CHST9: variants seen among roughly 807,000 people sequenced by gnomAD.
The protein encoded by CHST9 is GalNAc-4-sulfotransferase 2.
Under a neutral mutation model 44.4 loss-of-function variants are expected in CHST9, and 41 were observed. The observed-to-expected ratio is 0.92, with a 90% CI of 0.72 to 1.20. CHST9 has a LOEUF of 1.20. CHST9 is among the 50% of genes most tolerant of loss of function. The pLI, the probability that CHST9 is intolerant of heterozygous loss-of-function variation, is 0.00. For missense variants in CHST9, 504 were observed against 516.5 expected (o/e 0.98, Z 0.23); for synonymous variants, 171 against 178.4 (o/e 0.96, Z 0.33).
intron 2 of CHST9, among the ~76,000 whole-genome samples, chr18:27,080,851 G>A (rs1264375691): frequency 1.3e-5 from 2 of 152,210 alleles, no homozygotes; most frequent in Non-Finnish European, 2.9e-5. Context: ...CAAGGGAATG[G>A]CAGGTAGTAA....
intron 3 of CHST9, among the ~76,000 whole-genome samples, chr18:27,036,211 G>T (rs1348956732): frequency 6.6e-6 from 1 of 152,108 alleles, no homozygotes; most frequent in Non-Finnish European, 1.5e-5. Context: ...CTCTTCCGAT[G>T]GGACATGGAA....
intron 2 of CHST9, among the ~76,000 whole-genome samples, chr18:27,060,433 A>G (rs1334120500): frequency 6.6e-6 from 1 of 152,220 alleles, no homozygotes; most frequent in Non-Finnish European, 1.5e-5. Flanking sequence ...CAAGCCAGGC[A>G]CTGGCACAGT....
chr18:27,080,669 G>T (rs1293026842), intron 2 of CHST9, among the ~76,000 whole-genome samples: 4 of 152,172 alleles, frequency 2.6e-5, no homozygotes, highest in Admixed American at 1.3e-4. Context: ...GTCCTGCAGA[G>T]TGGAAAAGTG....
chr18:27,047,278 T>C (rs543246182), intron 3 of CHST9, among the ~76,000 whole-genome samples: 10 of 152,166 alleles, frequency 6.6e-5, no homozygotes, highest in African/African-American at 2.4e-4. Context: ...ATTATGGAAA[T>C]AGCATTTAGA....
At chr18:27,009,636 AT>A in intron 4 of CHST9, among the ~76,000 whole-genome samples, 1 of 152,334 alleles carries the variant, frequency 6.6e-6, no homozygotes, top group East Asian at 1.9e-4. Context: ...CTGTGAGGGC[AT>A]TCCTTCACTT....
intron 2 of CHST9, among the ~76,000 whole-genome samples, chr18:27,122,572 C>T (rs796612889): frequency 1.3e-5 from 2 of 152,180 alleles, no homozygotes; most frequent in African/African-American, 4.8e-5. Context: ...AGATCATTCT[C>T]TCCCCCTCCA....
intron 4 of CHST9, among the ~76,000 whole-genome samples, chr18:26,991,189 A>T (rs1256668214): frequency 6.6e-6 from 1 of 152,180 alleles, no homozygotes; most frequent in Non-Finnish European, 1.5e-5. Context: ...TCCAAACAAG[A>T]GATGATGGGG....
rs1568084822 is a variant in CHST9 at position 26,910,033 on chromosome 18, T to G, written c.*6226A>C. Reference sequence around the variant, plus strand: ...TTGGATGAAGGTTATAGAACAGCAGTCTAGAGGCAGCAGTGGGAGCCAGTT... The same window carrying G: ...TTGGATGAAGGTTATAGAACAGCAGGCTAGAGGCAGCAGTGGGAGCCAGTT... On this transcript the variant is annotated 3_prime_UTR_variant, in exon 6 of 6. Coordinates refer to ENST00000618847, the MANE Select transcript of CHST9 (RefSeq NM_031422.6). 2 of 151,972 alleles carry G rather than the reference T, an allele frequency of 1.3e-5. No homozygotes were observed. The highest frequency in any genetic ancestry group is 2.9e-5 in the Non-Finnish European group (2 of 68,004). The allele number at this position is 151,972 out of a possible 1,614,324, so 9.4% of individuals were successfully genotyped here.
chr18:27,163,858 C>T (rs941201830), intron 1 of CHST9, among the ~76,000 whole-genome samples: 1 of 152,138 alleles, frequency 6.6e-6, no homozygotes, highest in Non-Finnish European at 1.5e-5. Flanking sequence ...TGAGATGAAC[C>T]CTGTACCTCA....
At chr18:27,014,982 C>A (rs897894969) in intron 4 of CHST9, among the ~76,000 whole-genome samples, 1 of 152,042 alleles carries the variant, frequency 6.6e-6, no homozygotes, top group African/African-American at 2.4e-5. Flanking sequence ...ATTCCTTACT[C>A]ATTCATTTCT....
At chr18:27,039,218 C>T (rs1279201356) in intron 3 of CHST9, among the ~76,000 whole-genome samples, 2 of 152,082 alleles carry the variant, frequency 1.3e-5, no homozygotes, top group African/African-American at 4.8e-5. Context: ...TATTTGTACA[C>T]CCATGTTCAC....
intron 4 of CHST9, among the ~76,000 whole-genome samples, chr18:27,017,482 T>C (rs1436406672): frequency 6.6e-6 from 1 of 152,226 alleles, no homozygotes; most frequent in Admixed American, 6.5e-5. Flanking sequence ...TTACGGCATG[T>C]GAAAGGGGCC....
intron 2 of CHST9, among the ~76,000 whole-genome samples, chr18:27,098,188 G>GA (rs1225488159): frequency 6.6e-6 from 1 of 150,594 alleles, no homozygotes; most frequent in Non-Finnish European, 1.5e-5. Flanking sequence ...TTTATGTGGC[G>GA]AAAAAACATT....
chr18:27,115,340 G>A (rs1394869012), intron 2 of CHST9, among the ~76,000 whole-genome samples: 1 of 152,070 alleles, frequency 6.6e-6, no homozygotes, highest in African/African-American at 2.4e-5. Context: ...AAATTTTTCT[G>A]TGGGCATATA....
intron 4 of CHST9, among the ~76,000 whole-genome samples, chr18:26,972,544 A>C (rs2056563362): frequency 6.6e-6 from 1 of 152,104 alleles, no homozygotes; most frequent in African/African-American, 2.4e-5. Context: ...CAAGGAAGCC[A>C]GTGTGGTGGA....
intron 2 of CHST9, among the ~76,000 whole-genome samples, chr18:27,121,512 A>G (rs1168864962): frequency 6.6e-6 from 1 of 152,224 alleles, no homozygotes. Flanking sequence ...GCTGGTACAT[A>G]GGTTAGCAGA....
In CHST9 at chr18:26,993,857, G is replaced by A. The variant is rs138873518; in HGVS notation, c.202+30259C>T. Among the ~76,000 whole-genome samples the A allele has an allele frequency of 8.1e-4, 124 of 152,298 alleles. 1 individual carries two copies. The highest frequency in any genetic ancestry group is 5.2e-3 in the South Asian group (25 of 4,828). On this transcript the variant is annotated intron_variant, in intron 4 of 5. Coordinates refer to ENST00000618847, the MANE Select transcript of CHST9 (RefSeq NM_031422.6). The stretch of plus-strand genomic sequence containing the variant: ...GTCATAACAAAATGCTGCAGACTGC[G>A]GGCTTAAACAAAGATGTACTCCTCG...
At chr18:26,943,057 A>T (rs1054188472) in intron 5 of CHST9, among the ~76,000 whole-genome samples, 1 of 152,108 alleles carries the variant, frequency 6.6e-6, no homozygotes, top group Non-Finnish European at 1.5e-5. Context: ...GCAGTGAGCC[A>T]AGATTGTGTC....
chr18:27,016,717 T>G (rs555602944), intron 4 of CHST9, among the ~76,000 whole-genome samples: 1 of 152,336 alleles, frequency 6.6e-6, no homozygotes, highest in Non-Finnish European at 1.5e-5. Flanking sequence ...GTGATGAGGA[T>G]GTTTTATATA....
Sources: allele counts gnomAD v4.1 joint callset (sites outside exome capture counted in the v4.1 genomes callset), GRCh38; gene constraint gnomAD v4.1.1; transcripts MANE v1.5; gene names NCBI Gene and HGNC (gene_info 2026-07-23, HGNC 2026-07-21).